The following OXR1 variants were observed in gnomAD, a reference collection of about 807,000 sequenced individuals.
OXR1 encodes oxidation resistance protein 1.
OXR1 carries 41 observed loss-of-function variants against 104.6 expected under a neutral mutation model. The observed-to-expected ratio is 0.39, with a 90% confidence interval of 0.31 to 0.51. OXR1 has a LOEUF of 0.51. Among genes scored for constraint, OXR1 ranks in the 20% least tolerant of loss-of-function variants. The pLI is 0.77. For missense variants in OXR1, 955 were observed against 1,031.9 expected (o/e 0.93, Z 1.02); for synonymous variants, 348 against 348.4 (o/e 1.00, Z 0.01).
At chr8:106,688,673 T>C (rs1309366598) in intron 6 of OXR1, among the ~76,000 whole-genome samples, 1 of 152,176 alleles carries the variant, frequency 6.6e-6, no homozygotes, top group Non-Finnish European at 1.5e-5. Context: ...AGACTTTTAA[T>C]TAATCTTTAA....
At chr8:106,697,389 C>T in intron 7 of OXR1, 1 of 1,315,034 alleles carries the variant, frequency 7.6e-7, no homozygotes, top group Non-Finnish European at 1.1e-6. Flanking sequence ...ATATTAACCA[C>T]TCGTGGGAGG....
chr8:106,302,628 G>C (rs1813291249), intron 1 of OXR1, among the ~76,000 whole-genome samples: 1 of 151,760 alleles, frequency 6.6e-6, no homozygotes, highest in South Asian at 2.1e-4. Flanking sequence ...TATGACCTAG[G>C]TATAATATAA....
intron 8 of OXR1, among the ~76,000 whole-genome samples, chr8:106,703,650 A>G (rs1242016063): frequency 1.3e-5 from 2 of 152,152 alleles, no homozygotes; most frequent in Admixed American, 6.5e-5. Context: ...TACTGGTCAG[A>G]GGATTTGTGT....
chr8:106,384,033 T>A (rs1005860476), intron 2 of OXR1, among the ~76,000 whole-genome samples: 1 of 152,168 alleles, frequency 6.6e-6, no homozygotes, highest in Non-Finnish European at 1.5e-5. Flanking sequence ...GGGGAAGACT[T>A]CATCTGTGTG....
At chr8:106,673,086 CAG>C (rs34349576) in intron 3 of OXR1, among the ~76,000 whole-genome samples, 19,954 of 152,106 alleles carry the variant, frequency 0.13, 1,571 homozygotes, top group Non-Finnish European at 0.18. Flanking sequence ...GGGTAACAGG[CAG>C]AGGTTGGAAC....
chr8:106,550,774 C>T (rs1161365309), intron 3 of OXR1, among the ~76,000 whole-genome samples: 2 of 152,140 alleles, frequency 1.3e-5, no homozygotes, highest in African/African-American at 4.8e-5. Flanking sequence ...AACTGTGAGT[C>T]AATTAAACTT....
chr8:106,540,602 G>T (rs2130321624), intron 3 of OXR1, among the ~76,000 whole-genome samples: 2 of 152,264 alleles, frequency 1.3e-5, no homozygotes, highest in South Asian at 4.1e-4. Context: ...TAAAAGCCAT[G>T]GCTGTTGTAT....
intron 1 of OXR1, among the ~76,000 whole-genome samples, chr8:106,319,151 C>T (rs1039780779): frequency 9.9e-5 from 15 of 152,196 alleles, no homozygotes; most frequent in African/African-American, 3.1e-4. Flanking sequence ...AAACTGATTG[C>T]TTCATGGGTT....
intron 1 of OXR1, among the ~76,000 whole-genome samples, chr8:106,339,552 ATAT>A (rs1815151058): frequency 7.4e-6 from 1 of 134,412 alleles, no homozygotes; most frequent in Non-Finnish European, 1.6e-5. Context: ...ATATATATAT[ATAT>A]AAAACGAAAT....
At chr8:106,574,364 C>T (rs1382309247) in intron 3 of OXR1, among the ~76,000 whole-genome samples, 3 of 152,140 alleles carry the variant, frequency 2.0e-5, no homozygotes, top group Non-Finnish European at 4.4e-5. Context: ...GGTAACTTCT[C>T]TCCCACTCCA....
intron 3 of OXR1, among the ~76,000 whole-genome samples, chr8:106,659,369 TTAAAA>T (rs1304388176): frequency 6.6e-6 from 1 of 152,234 alleles, no homozygotes; most frequent in Non-Finnish European, 1.5e-5. Context: ...GCATAGCCCT[TTAAAA>T]TAAATTTTCC....
intron 3 of OXR1, among the ~76,000 whole-genome samples, chr8:106,536,448 G>A (rs1814546910): frequency 6.6e-6 from 1 of 151,466 alleles, no homozygotes; most frequent in Non-Finnish European, 1.5e-5. Context: ...TCATTGCCAA[G>A]CACAGAAATG....
rs1456428766 is a variant in OXR1, at chr8:106,637,182, C to A, written c.221-42028C>A. 3.3e-5 allele frequency among the ~76,000 whole-genome samples: 5 copies of A among 152,108 alleles called. No homozygotes were observed. In the South Asian group the frequency reaches 1.0e-3, roughly 32 times the overall value. On this transcript the variant is annotated intron_variant, in intron 3 of 16. Transcript: ENST00000517566. ...GTAATTAAAATAATTTGTTGTTTCT[C>A]CTAACCTTGTTGCTACTGTTAAAGA...
chr8:106,658,982 T>C (rs1825468767), intron 3 of OXR1, among the ~76,000 whole-genome samples: 1 of 152,244 alleles, frequency 6.6e-6, no homozygotes. Context: ...CCATGTCTGA[T>C]TTTTATTTTT....
At chr8:106,569,622 A>G (rs1305192919) in intron 3 of OXR1, among the ~76,000 whole-genome samples, 3 of 152,316 alleles carry the variant, frequency 2.0e-5, no homozygotes, top group South Asian at 4.1e-4. Flanking sequence ...GTATAAAGAG[A>G]GTTCTGTCTT....
At chr8:106,314,690 A>C (rs1813852530) in intron 1 of OXR1, among the ~76,000 whole-genome samples, 1 of 152,212 alleles carries the variant, frequency 6.6e-6, no homozygotes, top group South Asian at 2.1e-4. Flanking sequence ...TAACGTAGTG[A>C]AGCAGGTACT....
chr8:106,662,901 G>C (rs1236078799), intron 3 of OXR1, among the ~76,000 whole-genome samples: 1 of 152,076 alleles, frequency 6.6e-6, no homozygotes, highest in Non-Finnish European at 1.5e-5. Flanking sequence ...AACAGAAGTA[G>C]TAATACAGGT....
intron 3 of OXR1, among the ~76,000 whole-genome samples, chr8:106,603,681 G>C (rs1820140075): frequency 6.6e-6 from 1 of 152,124 alleles, no homozygotes; most frequent in African/African-American, 2.4e-5. Flanking sequence ...TAAAAAGAAA[G>C]GTTTGAATAG....
chr8:106,306,538 A>G (rs1813472274), intron 1 of OXR1, among the ~76,000 whole-genome samples: 1 of 152,150 alleles, frequency 6.6e-6, no homozygotes, highest in African/African-American at 2.4e-5. Flanking sequence ...AAAAATCCCA[A>G]ACAAGTTTTA....
Sources: gnomAD v4.1 joint callset for allele counts (sites outside exome capture counted in the v4.1 genomes callset) on GRCh38, gnomAD v4.1.1 for gene constraint, MANE v1.5 for transcripts, NCBI Gene and HGNC (gene_info 2026-07-23, HGNC 2026-07-21) for gene names.